The following CHN2 variants were observed in gnomAD, a reference collection of about 807,000 sequenced individuals.
CHN2 encodes the protein beta-chimaerin.
Under a neutral mutation model 56.3 loss-of-function variants are expected in CHN2, and 35 were observed. That is an observed-to-expected ratio of 0.62 (90% CI 0.47 to 0.82). The LOEUF is 0.82. CHN2 is among the 40% of genes least tolerant of loss of function. The pLI is 0.00. For missense variants in CHN2, 491 were observed against 580.5 expected, an observed-to-expected ratio of 0.85 and a Z score of 1.58; for synonymous variants, 210 against 212.8, an observed-to-expected ratio of 0.99 and a Z score of 0.12.
intron 1 of CHN2, among the ~76,000 whole-genome samples, chr7:29,272,315 A>G (rs914831231): frequency 6.6e-6 from 1 of 152,204 alleles, no homozygotes; most frequent in Non-Finnish European, 1.5e-5. Context: ...GGCGGAAATG[A>G]CAGTTCTCAT....
At chr7:29,315,799 G>A (rs1265529386) in intron 1 of CHN2, among the ~76,000 whole-genome samples, 1 of 152,178 alleles carries the variant, frequency 6.6e-6, no homozygotes, top group Non-Finnish European at 1.5e-5. Flanking sequence ...TGCTAATGGG[G>A]AATACAGATG....
At chr7:29,489,471 G>C (rs1324375130) in intron 7 of CHN2, among the ~76,000 whole-genome samples, 1 of 152,206 alleles carries the variant, frequency 6.6e-6, no homozygotes, top group Admixed American at 6.5e-5. Context: ...TGAAAGAGTA[G>C]ACATAATAAG....
chr7:29,341,066 A>G (rs910700986), intron 1 of CHN2, among the ~76,000 whole-genome samples: 1 of 152,196 alleles, frequency 6.6e-6, no homozygotes, highest in Non-Finnish European at 1.5e-5. Flanking sequence ...ATGTGGGTCA[A>G]GGTTGAGGGA....
chr7:29,308,073 A>G (rs1794306980), intron 1 of CHN2, among the ~76,000 whole-genome samples: 1 of 152,228 alleles, frequency 6.6e-6, no homozygotes, highest in Non-Finnish European at 1.5e-5. Context: ...CATACAAATA[A>G]CTGTGTCAAA....
At chr7:29,202,604 A>G (rs3812391) in intron 1 of CHN2, among the ~76,000 whole-genome samples, 18,538 of 152,156 alleles carry the variant, frequency 0.12, 1,157 homozygotes, top group East Asian at 0.2. Flanking sequence ...TTATTGACAT[A>G]ACTTAGATCA....
At chr7:29,318,435 C>T (rs966109020) in intron 1 of CHN2, among the ~76,000 whole-genome samples, 34 of 152,210 alleles carry the variant, frequency 2.2e-4, no homozygotes, top group African/African-American at 7.7e-4. Context: ...GACTCCTTTC[C>T]CAGAGGGTTC....
chr7:29,302,825 C>CCT (rs1215897375), intron 1 of CHN2, among the ~76,000 whole-genome samples: 1 of 152,166 alleles, frequency 6.6e-6, no homozygotes, highest in Non-Finnish European at 1.5e-5. Flanking sequence ...CTGACTACTC[C>CCT]ACATACCTCA....
intron 6 of CHN2, among the ~76,000 whole-genome samples, chr7:29,441,259 A>C (rs1445815464): frequency 1.3e-5 from 2 of 152,238 alleles, no homozygotes; most frequent in African/African-American, 4.8e-5. Flanking sequence ...GGAGATCCTC[A>C]TACAAAATAA....
intron 6 of CHN2, among the ~76,000 whole-genome samples, chr7:29,471,207 G>A (rs1359325658): frequency 6.6e-6 from 1 of 152,188 alleles, no homozygotes; most frequent in Non-Finnish European, 1.5e-5. Context: ...GGTAAAACAT[G>A]TTGTTGTTAA....
chr7:29,344,877 G>C (rs888156160), intron 1 of CHN2, among the ~76,000 whole-genome samples: 9 of 152,122 alleles, frequency 5.9e-5, no homozygotes, highest in African/African-American at 2.2e-4. Flanking sequence ...CACCATCAAT[G>C]CTCCTTGTAT....
At chr7:29,249,976 A>AAG (rs2128817816) in intron 1 of CHN2, among the ~76,000 whole-genome samples, 1 of 152,366 alleles carries the variant, frequency 6.6e-6, no homozygotes, top group South Asian at 2.1e-4. Context: ...TTGCCTGGTG[A>AAG]AGAGAGTCTA....
intron 1 of CHN2, among the ~76,000 whole-genome samples, chr7:29,250,497 GT>G (rs1201367868): frequency 9.2e-5 from 14 of 152,182 alleles, no homozygotes; most frequent in Non-Finnish European, 1.5e-5. Flanking sequence ...GGTGTCTGAT[GT>G]AGGAAGGTAC....
chr7:29,283,772 C>T (rs983150313), intron 1 of CHN2, among the ~76,000 whole-genome samples: 1 of 151,862 alleles, frequency 6.6e-6, no homozygotes. Flanking sequence ...GCATGCACCA[C>T]CATGCCTGCC....
intron 1 of CHN2, among the ~76,000 whole-genome samples, chr7:29,330,250 A>G (rs545612793): frequency 6.6e-6 from 1 of 152,174 alleles, no homozygotes; most frequent in Non-Finnish European, 1.5e-5. Context: ...CAGTGGCCTC[A>G]TTCAACATAG....
At chr7:29,302,833 T>C (rs1044715663) in intron 1 of CHN2, among the ~76,000 whole-genome samples, 3 of 152,144 alleles carry the variant, frequency 2.0e-5, no homozygotes, top group Non-Finnish European at 4.4e-5. Context: ...TCCACATACC[T>C]CATATAAGTA....
intron 1 of CHN2, among the ~76,000 whole-genome samples, chr7:29,305,010 A>T (rs1468509758): frequency 6.6e-6 from 1 of 152,212 alleles, no homozygotes; most frequent in African/African-American, 2.4e-5. Context: ...CCCCAAGGTC[A>T]GTTGGCATGG....
chr7:29,473,482 T>TGTGTGTGTGTGTG (rs1554299029), intron 6 of CHN2, among the ~76,000 whole-genome samples: 1 of 118,166 alleles, frequency 8.5e-6, no homozygotes, highest in Admixed American at 8.7e-5. Flanking sequence ...TTTTTTTTTT[T>TGTGTGTGTGTGTG]TGTGTGTGTG....
chr7:29,378,606 T>C (rs1800252331), intron 3 of CHN2, among the ~76,000 whole-genome samples: 1 of 152,208 alleles, frequency 6.6e-6, no homozygotes, highest in African/African-American at 2.4e-5. Context: ...ACCTAAGATA[T>C]TTACTTTATA....
chr7:29,183,774 G>A (rs1298822774), intron 2 of CHN2, among the ~76,000 whole-genome samples: 1 of 152,176 alleles, frequency 6.6e-6, no homozygotes, highest in Non-Finnish European at 1.5e-5. Flanking sequence ...TATGATATAT[G>A]TAGATTAGAT....
Sources: gnomAD v4.1 joint callset for allele counts (sites outside exome capture counted in the v4.1 genomes callset) on GRCh38, gnomAD v4.1.1 for gene constraint, MANE v1.5 for transcripts, NCBI Gene and HGNC (gene_info 2026-07-23, HGNC 2026-07-21) for gene names.